Variants in ZNF544 observed in about 807,000 individuals in gnomAD.
The protein encoded by ZNF544 is zinc finger protein AF020591.
Under a neutral mutation model 13.5 loss-of-function variants are expected in ZNF544, and 10 were observed. The observed-to-expected ratio is 0.74, with a 90% confidence interval of 0.46 to 1.25. ZNF544 has a LOEUF of 1.25. ZNF544 is among the 50% of genes most tolerant of loss of function. The pLI is 0.00. For missense variants in ZNF544, 896 were observed against 845.6 expected (o/e 1.06, Z -0.74); for synonymous variants, 323 against 300.5 (o/e 1.07, Z -0.77).
In ZNF544 at chr19:58,261,058, T is replaced by C. The variant is rs748035280; in HGVS notation, c.452T>C (p.Phe151Ser). 6 of 1,614,168 alleles carry C rather than the reference T, an allele frequency of 3.7e-6. 1 individual carries two copies. Among genetic ancestry groups the C allele is most frequent in the South Asian group, 3.3e-5 (3 of 91,086 alleles). ...ATGGTACTCACCTCAGAGAGACTGT[T>C]TGCTCAAAGGGAACATTGTGAGCTT... ...RFMVLTSERL[F>S]AQREHCELEL... The change falls in exon 7 of 7, where the codon TTT becomes TCT. Residue 151 changes from phenylalanine to serine, a missense_variant. Coordinates refer to ENST00000687789, the MANE Select transcript of ZNF544 (RefSeq NM_014480.4).
At position 58,270,204 on chromosome 19, in the gene ZNF544, C is replaced by T. The variant is rs371287430; in HGVS notation, c.245-6119C>T. The stretch of plus-strand genomic sequence containing the variant: ...TTCTTGCTGGAGGGGGCAAAAAGCT[C>T]ATGAAATTTGAATAAAGGAGGAGGA... On this transcript the variant is annotated intron_variant, in intron 5 of 6. Coordinates refer to the ZNF544 transcript ENST00000595981. Among the ~76,000 whole-genome samples, 7 of 151,800 alleles carry T rather than the reference C, an allele frequency of 4.6e-5. No homozygotes were observed. In the East Asian group the frequency reaches 5.8e-4, roughly 13 times the overall value.
chr19:58,243,697 T>C (rs1056461465), intron 3 of ZNF544, among the ~76,000 whole-genome samples: 1 of 152,116 alleles, frequency 6.6e-6, no homozygotes, highest in African/African-American at 2.4e-5. Context: ...CCACCTCCCT[T>C]CCTTAGTCAC....
rs147453122 is a variant in ZNF544 at position 58,242,847 on chromosome 19, C to T, written c.-59-1118C>T. Reference sequence around the variant, plus strand: ...CTGGGTAGCTGGGATTGCAGGCACACGTCACCATGCCTGGCTAATTTTTGT... The same window carrying T: ...CTGGGTAGCTGGGATTGCAGGCACATGTCACCATGCCTGGCTAATTTTTGT... On this transcript the variant is annotated intron_variant, in intron 3 of 6. Coordinates refer to ENST00000687789, the MANE Select transcript of ZNF544 (RefSeq NM_014480.4). Among the ~76,000 whole-genome samples the T allele has an allele frequency of 1.8e-3, 267 of 152,172 alleles. 1 individual carries two copies. The highest frequency in any genetic ancestry group is 2.9e-3 in the Non-Finnish European group (195 of 68,008).
rs908733701 is a variant in ZNF544 at position 58,245,942 on chromosome 19, T to G, written c.34-359T>G. The G allele has an allele frequency of 2.6e-5, 9 of 342,980 alleles. No individual in the cohort carries two copies. The Admixed American group carries it at 3.7e-4, about 14-fold the overall frequency. The allele number at this position is 342,980 out of a possible 1,614,324, so 21.2% of individuals were successfully genotyped here. ...TCCCAGTCCGTTTGGGTTGCTATAA[T>G]AAGATACCTTAGAGTGAGCAATTTA... On this transcript the variant is annotated intron_variant, in intron 4 of 6. Transcript: ENST00000687789.
chr19:58,269,671 A>T (rs2050387385), intron 5 of ZNF544, among the ~76,000 whole-genome samples: 1 of 151,566 alleles, frequency 6.6e-6, no homozygotes, highest in Admixed American at 6.6e-5. Context: ...CTGTAATCCC[A>T]GCACTTTGGG....
chr19:58,268,804 C>T (rs1270968150), downstream of ZNF544, among the ~76,000 whole-genome samples: 1 of 152,194 alleles, frequency 6.6e-6, no homozygotes, highest in Non-Finnish European at 1.5e-5. Context: ...GCACAAATAA[C>T]TTGGTTAAGG....
Position 58,263,005 on chromosome 19 carries a change from C to T in ZNF544, c.*251C>T. 1 of 1,252,996 alleles carries T rather than the reference C, an allele frequency of 8.0e-7. No homozygotes were observed. The allele number at this position is 1,252,996 out of a possible 1,614,324, so 77.6% of individuals were successfully genotyped here. On this transcript the variant is annotated 3_prime_UTR_variant, in exon 7 of 7. Transcript: ENST00000687789. ...CTGGAGGCAAACCCTATGAATGTGA[C>T]CATTGCGAGAAAGCCTTTAGCCAAC... is the stretch of plus-strand genomic sequence containing the variant.
rs535865401 is a variant in ZNF544, at chr19:58,248,119, G to A, written c.244+1325G>A. Among the ~76,000 whole-genome samples, 6 of 151,138 alleles carry A rather than the reference G, an allele frequency of 4.0e-5. No individual in the cohort carries two copies. In the South Asian group the frequency reaches 1.1e-3, roughly 26 times the overall value. ...AGTAGAGTCAGAGTTTCACCATGTT[G>A]GCCAGGATGGTCTCGATCTCCTGAC... On this transcript the variant is annotated intron_variant, in intron 6 of 6. Coordinates refer to ENST00000687789, the MANE Select transcript of ZNF544 (RefSeq NM_014480.4).
At chr19:58,231,756 C>T (rs545173097) in intron 3 of ZNF544, 108 of 152,226 alleles carry the variant, frequency 7.1e-4, no homozygotes, top group African/African-American at 2.5e-3. Context: ...GTGACTGTCA[C>T]CTCTCTTTTT....
At chr19:58,231,397 T>G (rs1289282623) in intron 3 of ZNF544, among the ~76,000 whole-genome samples, 1 of 152,160 alleles carries the variant, frequency 6.6e-6, no homozygotes, top group Non-Finnish European at 1.5e-5. Flanking sequence ...TTTGTGGGGT[T>G]ACAAGGAAGA....
downstream of ZNF544, chr19:58,264,030 G>C (rs1193594138): frequency 2.7e-5 from 4 of 150,210 alleles, no homozygotes; most frequent in Non-Finnish European, 4.4e-5. Context: ...GGGAGGCGTA[G>C]CTTGCAGTGA....
At chr19:58,252,200 A>C (rs994658909) in intron 6 of ZNF544, among the ~76,000 whole-genome samples, 1 of 152,154 alleles carries the variant, frequency 6.6e-6, no homozygotes, top group African/African-American at 2.4e-5. Flanking sequence ...ATTTTTCATA[A>C]ACCTTCTACA....
In ZNF544 at chr19:58,261,812, C is replaced by T. The variant is rs375371121; in HGVS notation, c.1206C>T (p.His402=). Residue 402 remains histidine, a synonymous_variant, in exon 7 of 7, where the codon CAC becomes CAT. Transcript: ENST00000687789. ...ACCTTGTCATACATCAGAGGACACA[C>T]ACTGGAGAGAAGCCCTATGAGTGTG... The part of the protein sequence containing the change: ...SYDLVIHQRT[H]TGEKPYECDL... 10 of 1,613,862 alleles carry T rather than the reference C, an allele frequency of 6.2e-6. No individual in the cohort carries two copies. In the South Asian group the frequency reaches 8.8e-5, roughly 14 times the overall value.
At chr19:58,237,096 A>T (rs1411631117) in intron 3 of ZNF544, among the ~76,000 whole-genome samples, 4 of 107,092 alleles carry the variant, frequency 3.7e-5, no homozygotes, top group Non-Finnish European at 3.8e-5. Context: ...ATAGGGTTTT[A>T]CTCTGTCACC....
At chr19:58,263,817 G>C (rs543650288), downstream of ZNF544, 1 of 155,276 alleles carries the variant, frequency 6.4e-6, no homozygotes, top group Non-Finnish European at 1.4e-5. Flanking sequence ...GCCAGGGGCC[G>C]GGCACGGTGC....
At chr19:58,247,081 G>A (rs1346700448) in intron 6 of ZNF544, among the ~76,000 whole-genome samples, 1 of 151,556 alleles carries the variant, frequency 6.6e-6, no homozygotes, top group African/African-American at 2.4e-5. Context: ...TTTAATTAAT[G>A]TATGTATTTA....
intron 3 of ZNF544, among the ~76,000 whole-genome samples, chr19:58,240,218 C>T (rs1362413521): frequency 6.6e-6 from 1 of 151,984 alleles, no homozygotes; most frequent in Non-Finnish European, 1.5e-5. Flanking sequence ...CCCAAGGGCT[C>T]AGAGGTTACA....
In ZNF544 at chr19:58,235,343, TA is replaced by T. The variant is rs567147974; in HGVS notation, c.-60+4882del. On this transcript the variant is annotated intron_variant, in intron 3 of 6. Transcript: ENST00000687789. The stretch of plus-strand genomic sequence containing the variant: ...TAAAAAATGGCCCACCTGTATAGGG[TA>T]GCTCCATTGTAATCATATGGGACCA... Among the ~76,000 whole-genome samples the T allele has an allele frequency of 7.6e-4, 115 of 152,290 alleles. No individual in the cohort carries two copies. The South Asian group carries it at 0.023, about 30-fold the overall frequency.
intron 3 of ZNF544, among the ~76,000 whole-genome samples, chr19:58,243,613 T>C (rs2044398900): frequency 6.6e-6 from 1 of 151,982 alleles, no homozygotes; most frequent in Non-Finnish European, 1.5e-5. Context: ...CACACCCCCA[T>C]TGTCATCATT....
Sources: allele counts gnomAD v4.1 joint callset (sites outside exome capture counted in the v4.1 genomes callset), GRCh38; gene constraint gnomAD v4.1.1; transcripts MANE v1.5; gene names NCBI Gene and HGNC (gene_info 2026-07-23, HGNC 2026-07-21).